ABCA4: variants seen among roughly 807,000 people sequenced by gnomAD.
ABCA4 encodes the protein ATP binding cassette subfamily A member 4.
In ABCA4, 196 loss-of-function variants were observed where a neutral mutation model predicts 263.7. The ratio of observed to expected loss-of-function variants is 0.74; its 90% CI spans 0.66 to 0.84. The LOEUF is 0.84. Ranked by LOEUF, ABCA4 falls within the 40% of genes least tolerant of loss-of-function variation. The pLI, the probability that ABCA4 is intolerant of heterozygous loss-of-function variation, is 0.00. For missense variants in ABCA4, 2,792 were observed against 2,855.1 expected, an observed-to-expected ratio of 0.98 and a Z score of 0.50; for synonymous variants, 1,133 against 1,094.2, an observed-to-expected ratio of 1.04 and a Z score of -0.70.
intron 19 of ABCA4, among the ~76,000 whole-genome samples, chr1:94,046,455 CAAA>C (rs61333901): frequency 7.1e-5 from 3 of 42,240 alleles, no homozygotes; most frequent in African/African-American, 2.4e-4. Flanking sequence ...GTTACTATCT[CAAA>C]AAAAAAAAAA....
At chr1:94,119,518 C>T (rs1662891180) in intron 1 of ABCA4, among the ~76,000 whole-genome samples, 1 of 152,176 alleles carries the variant, frequency 6.6e-6, no homozygotes, top group Non-Finnish European at 1.5e-5. Context: ...AGGGCTTTCT[C>T]CTCAGGGGTC....
intron 13 of ABCA4, among the ~76,000 whole-genome samples, chr1:94,061,702 T>C (rs913609264): frequency 6.6e-6 from 1 of 152,262 alleles, no homozygotes; most frequent in Non-Finnish European, 1.5e-5. Context: ...GATCCTAAAG[T>C]GGACCTGGGC....
rs55732384 is a variant in ABCA4, at chr1:94,111,561, G to C, written c.179C>G (p.Ala60Gly). 6.2e-7 allele frequency: 1 copy of C among 1,614,238 alleles called. No individual in the cohort carries two copies. The highest frequency in any genetic ancestry group is 8.5e-7 in the Non-Finnish European group (1 of 1,180,044). Residue 60 changes from alanine to glycine, a missense_variant, in exon 3 of 50, where the codon GCG (alanine) becomes GGG (glycine). By Grantham distance (60) the Ala-to-Gly change is moderately conservative. Transcript: ENST00000370225. ...SHHECHFPNK[A>G]MPSAGMLPWL... ...CGGCAGCATTCCTGCTGAGGGCATC[G>C]CCTTGTTGGGGAAATGGCCTTTAAA... is the stretch of plus-strand genomic sequence containing the variant.
rs1189172713 is a variant in ABCA4 at position 94,098,644 on chromosome 1, CA to C, written c.768+149del. 4 of 848,330 alleles carry C rather than the reference CA, an allele frequency of 4.7e-6. No homozygotes were observed. The East Asian group carries it at 1.1e-4, about 22-fold the overall frequency. The allele number at this position is 848,330 out of a possible 1,614,324, so 52.6% of individuals were successfully genotyped here. On this transcript the variant is annotated intron_variant, in intron 6 of 49. Coordinates refer to ENST00000370225, the MANE Select transcript of ABCA4 (RefSeq NM_000350.3). The stretch of plus-strand genomic sequence containing the variant: ...TGGGCCACTGTTCTAGAAATACTAT[CA>C]GTTGTGATTTTTTGAGCCCTGGGAG...
intron 47 of ABCA4, 96 bp downstream of exon 47, chr1:94,000,740 A>C: frequency 7.7e-7 from 1 of 1,305,530 alleles, no homozygotes; most frequent in Non-Finnish European, 1.1e-6. Flanking sequence ...CCAGGGGATG[A>C]CGGAGCAGCA....
At chr1:94,055,370 A>G in intron 15 of ABCA4, 55 bp from the exon 16 acceptor site, 1 of 1,571,920 alleles carries the variant, frequency 6.4e-7, no homozygotes. Context: ...ATCCAATGCA[A>G]CAGCACCCAG....
chr1:94,075,744 C>A (rs1165961528), intron 11 of ABCA4, among the ~76,000 whole-genome samples: 1 of 152,226 alleles, frequency 6.6e-6, no homozygotes, highest in Non-Finnish European at 1.5e-5. Flanking sequence ...AGACCCAGAC[C>A]TGGCCCATGG....
Position 94,031,880 on chromosome 1 carries a change from C to T in ABCA4, c.4026G>A (p.Pro1342=), listed in dbSNP as rs769291698. ...QPPPEPECPG[P]QLNTGTQLVL... is the part of the protein sequence containing the mutation. ...CCAGCTGTGTCCCCGTGTTGAGCTG[C>T]GGGCCTGGGCACTCTGGCTCTGGGG... Residue 1342 remains proline (P), a synonymous_variant, in exon 27 of 50, where the codon CCG becomes CCA. Transcript: ENST00000370225. 3.9e-5 allele frequency: 63 copies of T among 1,614,056 alleles called. No individual in the cohort carries two copies. Among genetic ancestry groups the T allele is most frequent in the East Asian group, 3.1e-4 (14 of 44,896 alleles).
At chr1:94,086,682 G>A (rs371001981) in intron 6 of ABCA4, among the ~76,000 whole-genome samples, 1 of 152,090 alleles carries the variant, frequency 6.6e-6, no homozygotes, top group Admixed American at 6.5e-5. Context: ...CCTTCCAGAA[G>A]CACGAAGACT....
intron 1 of ABCA4, 126 bp downstream of exon 1, chr1:94,120,854 C>T (rs1473408537): frequency 3.5e-6 from 3 of 864,004 alleles, no homozygotes; most frequent in Non-Finnish European, 5.6e-6. Flanking sequence ...TAATCGGCGA[C>T]AAGCCCACTG....
chr1:94,078,553 T>G, intron 10 of ABCA4, 37 bp downstream of exon 10: 4 of 726,058 alleles, frequency 5.5e-6, no homozygotes, highest in Non-Finnish European at 7.1e-6. Context: ...CACCGCTTCC[T>G]CCTCCCCTCC....
chr1:94,015,725 C>G lies in ABCA4; in HGVS notation c.5312+14G>C. On this transcript the variant is annotated intron_variant, in intron 37 of 49. Coordinates refer to ENST00000370225, the MANE Select transcript of ABCA4 (RefSeq NM_000350.3). ...TCTCTTCAGAGGCATTAGCTAATGG[C>G]CCAAACGGCTTACCCATACAGCAGG... The G allele has an allele frequency of 6.2e-7, 1 of 1,605,786 alleles. No homozygotes were observed. The highest frequency in any genetic ancestry group is 8.5e-7 in the Non-Finnish European group (1 of 1,173,408).
chr1:94,000,748 G>T, intron 47 of ABCA4, 88 bp downstream of exon 47: 2 of 1,380,522 alleles, frequency 1.4e-6, no homozygotes, highest in Non-Finnish European at 2.1e-6. Context: ...TGACGGAGCA[G>T]CAGGACTCTT....
intron 1 of ABCA4, among the ~76,000 whole-genome samples, chr1:94,114,458 G>T (rs1335672814): frequency 6.6e-6 from 1 of 151,908 alleles, no homozygotes; most frequent in Non-Finnish European, 1.5e-5. Flanking sequence ...ACACAATATG[G>T]GAAGAAAAGA....
intron 4 of ABCA4, among the ~76,000 whole-genome samples, chr1:94,107,684 A>G (rs1443032020): frequency 6.6e-6 from 1 of 151,626 alleles, no homozygotes. Flanking sequence ...GGCCAACATC[A>G]TCACCTCCCA....
At chr1:94,047,630 T>C (rs1660724312) in intron 18 of ABCA4, among the ~76,000 whole-genome samples, 1 of 152,178 alleles carries the variant, frequency 6.6e-6, no homozygotes, top group Admixed American at 6.5e-5. Flanking sequence ...GCCTTCAGAT[T>C]CTCCCATGAC....
At chr1:94,079,611 T>C (rs927670182) in intron 8 of ABCA4, 150 bp from the exon 9 acceptor site, 2 of 1,143,410 alleles carry the variant, frequency 1.7e-6, no homozygotes, top group Admixed American at 3.9e-5. Context: ...ACCCCACCAA[T>C]AACAAGCTCA....
rs370303729 is a variant in ABCA4 at position 94,031,763 on chromosome 1, G to C, written c.4128+15C>G. On this transcript the variant is annotated intron_variant, in intron 27 of 49. Coordinates refer to ENST00000370225, the MANE Select transcript of ABCA4 (RefSeq NM_000350.3). Reference sequence around the variant, plus strand: ...GAGCCACTGAGCTCAGCTAAACACCGACCGACAATAGTACCTGCGCCAGGA... The same window carrying C: ...GAGCCACTGAGCTCAGCTAAACACCCACCGACAATAGTACCTGCGCCAGGA... 7 of 1,613,002 alleles carry C rather than the reference G, an allele frequency of 4.3e-6. No individual in the cohort carries two copies. Among genetic ancestry groups the C allele is most frequent in the Non-Finnish European group, 5.9e-6 (7 of 1,180,012 alleles).
intron 1 of ABCA4, among the ~76,000 whole-genome samples, chr1:94,115,874 G>C (rs755138538): frequency 6.6e-6 from 1 of 152,160 alleles, no homozygotes; most frequent in Non-Finnish European, 1.5e-5. Flanking sequence ...GAACTCCCCA[G>C]TTGCCAACTT....
Sources: allele counts gnomAD v4.1 joint callset (sites outside exome capture counted in the v4.1 genomes callset), GRCh38; gene constraint gnomAD v4.1.1; transcripts MANE v1.5; gene names NCBI Gene and HGNC (gene_info 2026-07-23, HGNC 2026-07-21).